The following DNAAF1 variants were observed in gnomAD, a reference collection of about 807,000 sequenced individuals.
DNAAF1 encodes dynein axonemal assembly factor 1.
Under a neutral mutation model 71.1 loss-of-function variants are expected in DNAAF1, and 65 were observed. That is an observed-to-expected ratio of 0.91 (90% CI 0.75 to 1.12). The LOEUF is 1.12. Among genes scored for constraint, DNAAF1 ranks in the 50% most tolerant of loss-of-function variants. DNAAF1 has a pLI of 0.00. For synonymous variants in DNAAF1, 414 were observed against 354.6 expected (o/e 1.17, Z -1.88); for missense variants, 1,178 against 899.8 (o/e 1.31, Z -3.96).
chr16:84,153,471 G>C (rs2087275289), intron 3 of DNAAF1, among the ~76,000 whole-genome samples: 1 of 152,154 alleles, frequency 6.6e-6, no homozygotes, highest in African/African-American at 2.4e-5. Context: ...TCTATACAAT[G>C]CCTGTGTTTA....
At chr16:84,149,487 C>T (rs1230877999) in intron 2 of DNAAF1, among the ~76,000 whole-genome samples, 4 of 151,452 alleles carry the variant, frequency 2.6e-5, no homozygotes, top group South Asian at 4.2e-4. Context: ...GTCAGGAGTT[C>T]GAGACCAGCC....
intron 5 of DNAAF1, chr16:84,159,046 C>G: frequency 1.0e-6 from 1 of 987,862 alleles, no homozygotes; most frequent in Non-Finnish European, 1.2e-6. Flanking sequence ...AAGCATTAAA[C>G]TTCTTTGAGT....
chr16:84,153,789 C>A (rs550039402), intron 3 of DNAAF1, among the ~76,000 whole-genome samples: 1 of 152,130 alleles, frequency 6.6e-6, no homozygotes, highest in Non-Finnish European at 1.5e-5. Context: ...GAGAACAAAA[C>A]AAGGCCCACA....
chr16:84,172,537 C>T, intron 9 of DNAAF1, 162 bp downstream of exon 9: 5 of 1,464,288 alleles, frequency 3.4e-6, no homozygotes, highest in Non-Finnish European at 4.5e-6. Context: ...ACTCCCAGGC[C>T]TCACCCCAGG....
intron 10 of DNAAF1, chr16:84,174,991 G>A (rs2088576821): frequency 2.4e-6 from 1 of 419,686 alleles, no homozygotes; most frequent in Non-Finnish European, 4.5e-6. Context: ...AAGTAGCTGG[G>A]ATTACAGGCA....
intron 7 of DNAAF1, among the ~76,000 whole-genome samples, chr16:84,166,676 G>T (rs749674641): frequency 6.6e-6 from 1 of 152,268 alleles, no homozygotes; most frequent in East Asian, 1.9e-4. Context: ...CCTGGCCAGG[G>T]ATTTTTTTAA....
rs551990619 is a variant in DNAAF1, at chr16:84,145,552, G to C, written c.112G>C (p.Gly38Arg). The C allele has an allele frequency of 1.3e-6, 2 of 1,548,882 alleles. No individual in the cohort carries two copies. The highest frequency in any genetic ancestry group is 2.4e-5 in the South Asian group (2 of 84,066). The change falls in exon 1 of 12, where the codon GGC (glycine) becomes CGC (arginine). Residue 38 changes from glycine to arginine, a missense_variant. Transcript: ENST00000378553. The part of the protein sequence containing the change: ...AGDHGSAGRG[G>R]CKEEINDPKE... ...TGACCACGGGAGCGCAGGCCGAGGG[G>C]GCTGCAAGGAAGGTGCCGACTGCCC... is the stretch of plus-strand genomic sequence containing the variant.
intron 6 of DNAAF1, among the ~76,000 whole-genome samples, chr16:84,163,006 G>T (rs1049297804): frequency 2.0e-5 from 3 of 152,110 alleles, no homozygotes; most frequent in Non-Finnish European, 4.4e-5. Context: ...CTGTTGTCAA[G>T]GTTCATCTGC....
chr16:84,162,521 C>T (rs918790094), intron 6 of DNAAF1, among the ~76,000 whole-genome samples: 1 of 151,720 alleles, frequency 6.6e-6, no homozygotes, highest in African/African-American at 2.4e-5. Flanking sequence ...ATTCTCATCA[C>T]CCTAAAAAGG....
rs1485250438 is a variant in DNAAF1, at chr16:84,156,873, G to A, written c.741+1124G>A. Among the ~76,000 whole-genome samples, 5 of 84,638 alleles carry A rather than the reference G, an allele frequency of 5.9e-5. No homozygotes were observed. The East Asian group carries it at 1.5e-3, about 26-fold the overall frequency. The allele number at this position is 84,638 out of a possible 152,430, so 55.5% of individuals were successfully genotyped here. ...TTTCTTTTTTTTTTTTTTTTTTTGA[G>A]ACAGGGTCTTGCTCTGTCACCCAGG... On this transcript the variant is annotated intron_variant, in intron 5 of 11. Transcript: ENST00000378553.
intron 1 of DNAAF1, among the ~76,000 whole-genome samples, chr16:84,147,826 A>G (rs895707801): frequency 6.6e-6 from 1 of 152,114 alleles, no homozygotes; most frequent in South Asian, 2.1e-4. Flanking sequence ...AGCACTTTGG[A>G]AGGCCAAGGC....
At position 84,165,853 on chromosome 16, in the gene DNAAF1, A is replaced by G; in HGVS notation, c.934A>G (p.Arg312Gly). 1 of 1,613,520 alleles carries G rather than the reference A, an allele frequency of 6.2e-7. No individual in the cohort carries two copies. The highest frequency in any genetic ancestry group is 2.2e-5 in the East Asian group (1 of 44,840). Residue 312 changes from arginine (R) to glycine (G), a missense_variant, in exon 7 of 12, where the codon AGG becomes GGG. Transcript: ENST00000378553. ...GGAGGAGAGACAGCAGTGGGAGAGC[A>G]GGGAGCGGAAGAAGATCACAGACAG... ...EKEERQQWES[R>G]ERKKITDSIE...
rs1281217759 is a variant in DNAAF1, at chr16:84,154,788, T to G, written c.564T>G (p.Ile188Met). ...LNLSNNYIKT[I>M]ENLSCLPVLN... ...TCAGCAACAATTACATCAAGACCAT[T>G]GAAAACCTCTGTAAGGGTACCCAGC... Residue 188 changes from isoleucine (I) to methionine (M), a missense_variant, in exon 4 of 12, where the codon ATT becomes ATG. Ile to Met is a conservative substitution (Grantham distance 10). Transcript: ENST00000378553. 1 of 1,613,654 alleles carries G rather than the reference T, an allele frequency of 6.2e-7. No individual in the cohort carries two copies. The highest frequency in any genetic ancestry group is 1.3e-5 in the African/African-American group (1 of 75,058).
chr16:84,171,058 T>C (rs561570598), intron 8 of DNAAF1, among the ~76,000 whole-genome samples: 6 of 152,008 alleles, frequency 3.9e-5, no homozygotes, highest in Non-Finnish European at 7.4e-5. Context: ...TGGTGAAAGG[T>C]AGGCCATTCA....
chr16:84,154,851 C>T, intron 4 of DNAAF1, 53 bp downstream of exon 4: 3 of 1,389,502 alleles, frequency 2.2e-6, no homozygotes, highest in Non-Finnish European at 3.1e-6. Context: ...CATCACCTTC[C>T]CCTGAGGGAT....
rs747653020 is a variant in DNAAF1, at chr16:84,177,809, C to A, written c.2146C>A (p.Leu716Ile). 113 of 1,613,934 alleles carry A rather than the reference C, an allele frequency of 7.0e-5. No individual in the cohort carries two copies. Among genetic ancestry groups the A allele is most frequent in the Non-Finnish European group, 9.0e-5 (106 of 1,179,976 alleles). The change falls in exon 12 of 12, where the codon CTC becomes ATC. Residue 716 changes from leucine (L) to isoleucine (I), a missense_variant. Physicochemically the swap from Leu to Ile is conservative, Grantham distance 5. Coordinates refer to ENST00000378553, the MANE Select transcript of DNAAF1 (RefSeq NM_178452.6). ...CAGCCAAGCTCTGCCCACGTGGGAC[C>A]TCACTGCATTCCCAGCACCGAAAGC... ...QPSQALPTWD[L>I]TAFPAPKAS
In DNAAF1 at chr16:84,154,797, C is replaced by T; in HGVS notation, c.573C>T (p.Leu191=). ...ATTACATCAAGACCATTGAAAACCT[C>T]TGTAAGGGTACCCAGCAAGCAGTGT... is the stretch of plus-strand genomic sequence containing the variant. The part of the protein sequence containing the change: ...SNNYIKTIEN[L]SCLPVLNTLQ... Residue 191 remains leucine, a splice_region_variant and synonymous_variant, in exon 4 of 12, where the codon CTC becomes CTT. Transcript: ENST00000378553. The T allele has an allele frequency of 1.9e-6, 3 of 1,612,038 alleles. No homozygotes were observed. Among genetic ancestry groups the T allele is most frequent in the Non-Finnish European group, 2.5e-6 (3 of 1,178,114 alleles).
chr16:84,156,787 G>A (rs374949972), intron 5 of DNAAF1, among the ~76,000 whole-genome samples: 116 of 150,934 alleles, frequency 7.7e-4, no homozygotes, highest in African/African-American at 2.7e-3. Flanking sequence ...ATCAATGTTT[G>A]ACCCTTTTAT....
At chr16:84,154,929 G>C (rs2087342696) in intron 4 of DNAAF1, 131 bp downstream of exon 4, 3 of 832,240 alleles carry the variant, frequency 3.6e-6, no homozygotes, top group Non-Finnish European at 5.9e-6. Flanking sequence ...TTTTTTTTGA[G>C]ACAGAGTCTT....
Sources: allele counts gnomAD v4.1 joint callset (sites outside exome capture counted in the v4.1 genomes callset), GRCh38; gene constraint gnomAD v4.1.1; transcripts MANE v1.5; gene names NCBI Gene and HGNC (gene_info 2026-07-23, HGNC 2026-07-21).